KCNMA1: variants seen among roughly 807,000 people sequenced by gnomAD.
KCNMA1 encodes Calcium-activated potassium channel subunit alpha-1.
A neutral mutation model predicts 140.0 loss-of-function variants in KCNMA1; 29 were observed. The observed-to-expected ratio is 0.21, with a 90% confidence interval of 0.15 to 0.28. The LOEUF is 0.28. Ranked by LOEUF, KCNMA1 falls within the 10% of genes least tolerant of loss-of-function variation. The probability of loss-of-function intolerance (pLI) is 1.00; values close to 1 mark genes in which losing one functional copy is unlikely to be tolerated. For synonymous variants in KCNMA1, 612 were observed against 611.9 expected, an observed-to-expected ratio of 1.00 and a Z score of 0.00; for missense variants, 880 against 1,602.2, an observed-to-expected ratio of 0.55 and a Z score of 7.70.
chr10:77,327,499 G>A (rs1455388760), intron 2 of KCNMA1, among the ~76,000 whole-genome samples: 1 of 151,958 alleles, frequency 6.6e-6, no homozygotes, highest in Non-Finnish European at 1.5e-5. Flanking sequence ...GATTACAGGT[G>A]CCCACCATCA....
intron 1 of KCNMA1, among the ~76,000 whole-genome samples, chr10:77,481,567 G>A (rs1310895064): frequency 6.6e-6 from 1 of 152,046 alleles, no homozygotes; most frequent in African/African-American, 2.4e-5. Flanking sequence ...AAGGTCAGGA[G>A]ATCGAGACCA....
intron 1 of KCNMA1, among the ~76,000 whole-genome samples, chr10:77,542,122 C>A (rs2060325960): frequency 6.6e-6 from 1 of 152,176 alleles, no homozygotes; most frequent in Non-Finnish European, 1.5e-5. Context: ...TGTGAGGACA[C>A]AGAAGGCTCC....
In KCNMA1 at chr10:76,914,914, C is replaced by T. The variant is rs775407719; in HGVS notation, c.3016+22G>A. The T allele has an allele frequency of 3.2e-6, 5 of 1,538,856 alleles. No homozygotes were observed. In the South Asian group the frequency reaches 4.5e-5, roughly 14 times the overall value. ...TGAAAGACAGAACAAAAACTCCCCCCAAAGCTGACATTGACCCCTACCTAG... is the reference window on the plus strand; with the variant it reads ...TGAAAGACAGAACAAAAACTCCCCCTAAAGCTGACATTGACCCCTACCTAG... On this transcript the variant is annotated intron_variant, in intron 24 of 27. Coordinates refer to ENST00000286628, the MANE Select transcript of KCNMA1 (RefSeq NM_001161352.2).
intron 1 of KCNMA1, among the ~76,000 whole-genome samples, chr10:77,495,579 G>C (rs1006034962): frequency 6.6e-6 from 1 of 152,204 alleles, no homozygotes; most frequent in East Asian, 1.9e-4. Context: ...ATGAAAGGGA[G>C]AAAAAACGAA....
chr10:77,208,165 A>AT (rs1360735317), intron 3 of KCNMA1, among the ~76,000 whole-genome samples: 1 of 152,220 alleles, frequency 6.6e-6, no homozygotes, highest in East Asian at 1.9e-4. Flanking sequence ...GTTCTGGTGG[A>AT]TTTTTGTAGA....
intron 13 of KCNMA1, among the ~76,000 whole-genome samples, chr10:77,076,706 T>C (rs1033986): frequency 7.2e-5 from 11 of 152,196 alleles, no homozygotes; most frequent in African/African-American, 2.4e-4. Context: ...CTAAAGAAGA[T>C]AATGGATGTC....
intron 2 of KCNMA1, among the ~76,000 whole-genome samples, chr10:77,385,264 A>T (rs2095560936): frequency 6.6e-6 from 1 of 152,150 alleles, no homozygotes; most frequent in Non-Finnish European, 1.5e-5. Context: ...TTTTCACAGC[A>T]ATCTGGTTCA....
At chr10:77,485,537 A>G (rs1351038349) in intron 1 of KCNMA1, among the ~76,000 whole-genome samples, 4 of 152,156 alleles carry the variant, frequency 2.6e-5, no homozygotes, top group Admixed American at 6.5e-5. Context: ...ACCCTCCAAG[A>G]CTTGCCCAGC....
At position 76,937,981 on chromosome 10, in the gene KCNMA1, C is replaced by T. The variant is rs190583238; in HGVS notation, c.2902+6792G>A. ...TAAAGCATAAAATATGGAAAAAAGG[C>T]AGTGGACATATGTCTTGGGTTTGAG... On this transcript the variant is annotated intron_variant, in intron 23 of 27. Coordinates refer to ENST00000286628, the MANE Select transcript of KCNMA1 (RefSeq NM_001161352.2). Among the ~76,000 whole-genome samples the T allele has an allele frequency of 6.1e-4, 92 of 151,970 alleles. 1 individual carries two copies. In the East Asian group the frequency reaches 0.014, roughly 24 times the overall value.
chr10:77,200,461 G>A (rs1402887658), intron 3 of KCNMA1, among the ~76,000 whole-genome samples: 2 of 152,076 alleles, frequency 1.3e-5, no homozygotes, highest in Non-Finnish European at 2.9e-5. Flanking sequence ...TAATATCCTG[G>A]GAAATACCCC....
intron 2 of KCNMA1, among the ~76,000 whole-genome samples, chr10:77,324,963 CTCTCTCTCTGTGTG>C (rs1452250129): frequency 9.6e-6 from 1 of 104,450 alleles, no homozygotes; most frequent in African/African-American, 4.9e-5. Flanking sequence ...CTCTCTCTCT[CTCTCTCTCTGTGTG>C]TGTGTGTGTG....
intron 1 of KCNMA1, among the ~76,000 whole-genome samples, chr10:77,453,592 A>T (rs982588778): frequency 1.3e-5 from 2 of 152,134 alleles, no homozygotes; most frequent in Non-Finnish European, 2.9e-5. Context: ...GAGAGCGTCC[A>T]AGTCACAGCA....
At chr10:77,117,539 C>CAAAAAAAAAAAAAAAAAAAAAAA (rs56926398) in intron 6 of KCNMA1, among the ~76,000 whole-genome samples, 7 of 22,512 alleles carry the variant, frequency 3.1e-4, no homozygotes, top group African/African-American at 4.6e-4. Context: ...GAGTCTATCT[C>CAAAAAAAAAAAAAAAAAAAAAAA]AAAAAAAAAA....
intron 4 of KCNMA1, among the ~76,000 whole-genome samples, chr10:77,184,347 G>C (rs1375585532): frequency 3.9e-5 from 6 of 152,124 alleles, no homozygotes; most frequent in Admixed American, 3.9e-4. Context: ...AGCCTCCTGA[G>C]TAGCTGGGAT....
chr10:77,086,603 G>A lies in KCNMA1; in HGVS notation c.1335-10C>T, dbSNP rs746941583. The stretch of plus-strand genomic sequence containing the variant: ...CAGGTTGGGGGAGATGCTACACAGG[G>A]AGAGAAGAAATCGCTATTAATTTAA... On this transcript the variant is annotated splice_polypyrimidine_tract_variant and intron_variant, in intron 10 of 27. Transcript: ENST00000286628. 1 of 1,593,728 alleles carries A rather than the reference G, an allele frequency of 6.3e-7. No individual in the cohort carries two copies. The highest frequency in any genetic ancestry group is 8.6e-7 in the Non-Finnish European group (1 of 1,161,492).
At chr10:77,597,465 T>A (rs2081272006) in intron 1 of KCNMA1, among the ~76,000 whole-genome samples, 1 of 152,104 alleles carries the variant, frequency 6.6e-6, no homozygotes, top group South Asian at 2.1e-4. Flanking sequence ...ATGTAACAAA[T>A]ATCACACATA....
At chr10:77,318,431 C>T (rs564667563) in intron 2 of KCNMA1, among the ~76,000 whole-genome samples, 14 of 152,252 alleles carry the variant, frequency 9.2e-5, no homozygotes, top group African/African-American at 2.2e-4. Flanking sequence ...GTGCTTGTTA[C>T]GGCTCACACC....
At chr10:77,600,621 G>A (rs1241723782) in intron 1 of KCNMA1, among the ~76,000 whole-genome samples, 1 of 152,114 alleles carries the variant, frequency 6.6e-6, no homozygotes, top group Non-Finnish European at 1.5e-5. Context: ...GGTGGCACAT[G>A]CCTGTAATCC....
At chr10:77,348,594 G>A (rs1051494294) in intron 2 of KCNMA1, among the ~76,000 whole-genome samples, 1 of 152,206 alleles carries the variant, frequency 6.6e-6, no homozygotes, top group African/African-American at 2.4e-5. Context: ...ACATTAGCTT[G>A]GGCTGCTGGG....
Sources: allele counts gnomAD v4.1 joint callset (sites outside exome capture counted in the v4.1 genomes callset), GRCh38; gene constraint gnomAD v4.1.1; transcripts MANE v1.5; gene names NCBI Gene and HGNC (gene_info 2026-07-23, HGNC 2026-07-21).